CD86: variants seen among roughly 807,000 people sequenced by gnomAD.
The protein encoded by CD86 is T-lymphocyte activation antigen CD86.
CD86 carries 11 observed loss-of-function variants against 32.1 expected under a neutral mutation model. The ratio of observed to expected loss-of-function variants is 0.34; its 90% confidence interval spans 0.22 to 0.57. CD86 has a LOEUF of 0.57. Among genes scored for constraint, CD86 ranks in the 20% least tolerant of loss-of-function variants. The pLI is 0.86. For missense variants in CD86, 359 were observed against 398.4 expected (o/e 0.90, Z 0.84); for synonymous variants, 137 against 135.3 (o/e 1.01, Z -0.09).
intron 5 of CD86, among the ~76,000 whole-genome samples, chr3:122,111,849 C>T (rs370931301): frequency 1.4e-4 from 21 of 152,256 alleles, no homozygotes; most frequent in Admixed American, 5.9e-4. Flanking sequence ...TCAGAGGAGA[C>T]GGTCCTCAAA....
At chr3:122,059,573 T>C (rs543517514) in intron 1 of CD86, among the ~76,000 whole-genome samples, 3 of 149,412 alleles carry the variant, frequency 2.0e-5, no homozygotes, top group African/African-American at 4.9e-5. Flanking sequence ...AGTGGGGAGA[T>C]GGATGCAAGA....
intron 1 of CD86, among the ~76,000 whole-genome samples, chr3:122,081,286 CTG>C (rs777339778): frequency 5.7e-4 from 87 of 152,248 alleles, no homozygotes; most frequent in Non-Finnish European, 1.2e-3. Flanking sequence ...TCCTTAAAAA[CTG>C]TTATTTGATT....
At chr3:122,060,609 G>A (rs759926662) in intron 1 of CD86, among the ~76,000 whole-genome samples, 27 of 151,702 alleles carry the variant, frequency 1.8e-4, no homozygotes, top group Non-Finnish European at 2.4e-4. Flanking sequence ...GCAACATAGC[G>A]AGACTCCCAT....
At chr3:122,109,589 C>T (rs1188522366) in intron 5 of CD86, among the ~76,000 whole-genome samples, 181 bp downstream of exon 5, 2 of 152,218 alleles carry the variant, frequency 1.3e-5, no homozygotes, top group Non-Finnish European at 2.9e-5. Context: ...GATAATGCTG[C>T]TCTTGGACTT....
Position 122,109,354 on chromosome 3 carries a change from C to G in CD86, c.793C>G (p.Leu265Val). Residue 265 changes from leucine (L) to valine (V), a missense_variant, in exon 5 of 7, where the codon CTA (leucine) becomes GTA (valine). Physicochemically the swap from Leu to Val is conservative, Grantham distance 32. Transcript: ENST00000330540. ...TATTATATGTGTGATGGTTTTCTGTCTAATTCTATGGAAATGGAAGAAGAA... is the reference window on the plus strand; with the variant it reads ...TATTATATGTGTGATGGTTTTCTGTGTAATTCTATGGAAATGGAAGAAGAA... ...TVIICVMVFC[L>V]ILWKWKKKKR... The G allele has an allele frequency of 6.2e-7, 1 of 1,614,096 alleles. No individual in the cohort carries two copies. The highest frequency in any genetic ancestry group is 8.5e-7 in the Non-Finnish European group (1 of 1,179,972).
intron 1 of CD86, among the ~76,000 whole-genome samples, chr3:122,061,568 C>G (rs1303428072): frequency 6.6e-6 from 1 of 151,908 alleles, no homozygotes; most frequent in Admixed American, 6.6e-5. Flanking sequence ...AGACATTTCC[C>G]CAAAGAAAAT....
At chr3:122,105,551 A>G (rs2073077303) in intron 3 of CD86, among the ~76,000 whole-genome samples, 1 of 152,222 alleles carries the variant, frequency 6.6e-6, no homozygotes. Context: ...TGAGAATGGC[A>G]AAGGCAAGAG....
At chr3:122,070,807 G>C (rs551622599) in intron 1 of CD86, among the ~76,000 whole-genome samples, 2 of 152,312 alleles carry the variant, frequency 1.3e-5, no homozygotes, top group African/African-American at 4.8e-5. Flanking sequence ...TTGATTCCAA[G>C]GGTGCAACAT....
chr3:122,083,380 C>T (rs1183787063), intron 1 of CD86, among the ~76,000 whole-genome samples: 1 of 152,134 alleles, frequency 6.6e-6, no homozygotes, highest in Non-Finnish European at 1.5e-5. Context: ...GCCACAGGGA[C>T]CTCCTCGTAC....
chr3:122,090,854 G>A (rs1051687903), intron 1 of CD86, among the ~76,000 whole-genome samples: 1 of 152,130 alleles, frequency 6.6e-6, no homozygotes, highest in Non-Finnish European at 1.5e-5. Context: ...CTCTCAAAGC[G>A]TGGTCCTTAG....
intron 2 of CD86, among the ~76,000 whole-genome samples, chr3:122,094,462 A>C (rs560891785): frequency 6.6e-6 from 1 of 152,352 alleles, no homozygotes; most frequent in African/African-American, 2.4e-5. Flanking sequence ...TAGAAAGCCC[A>C]TGACATCAGA....
At chr3:122,102,156 A>G (rs2073019908) in intron 2 of CD86, among the ~76,000 whole-genome samples, 1 of 152,044 alleles carries the variant, frequency 6.6e-6, no homozygotes, top group South Asian at 2.1e-4. Flanking sequence ...TCCCTCTTTC[A>G]AGAGAAACCA....
chr3:122,064,904 A>T (rs1027368764), intron 1 of CD86, among the ~76,000 whole-genome samples: 2 of 152,190 alleles, frequency 1.3e-5, no homozygotes, highest in African/African-American at 4.8e-5. Flanking sequence ...GTTTTATTTA[A>T]TGTTGGAAAG....
Position 122,106,178 on chromosome 3 carries a change from T to A in CD86, c.401-20T>A, listed in dbSNP as rs780328319. 2.2e-5 allele frequency: 34 copies of A among 1,546,496 alleles called. No individual in the cohort carries two copies. Among genetic ancestry groups the A allele is most frequent in the South Asian group, 3.7e-5 (3 of 80,354 alleles). On this transcript the variant is annotated intron_variant, in intron 3 of 6. Transcript: ENST00000330540. ...ATCTAAACTTAGATTGATTTTTTTT[T>A]ATCTCTCTTCTGCTTTCAGCTAACT...
At chr3:122,078,139 C>A in intron 1 of CD86, 2 of 737,378 alleles carry the variant, frequency 2.7e-6, no homozygotes, top group Non-Finnish European at 3.3e-6. Context: ...TAATGGCCGG[C>A]CAGAGAATGA....
chr3:122,107,859 C>G (rs186752935), intron 4 of CD86, among the ~76,000 whole-genome samples: 19 of 152,360 alleles, frequency 1.2e-4, no homozygotes, highest in African/African-American at 3.8e-4. Flanking sequence ...CTGACTTCTT[C>G]CTATTCAGAC....
chr3:122,108,010 T>C (rs994080696), intron 4 of CD86, among the ~76,000 whole-genome samples: 1 of 152,206 alleles, frequency 6.6e-6, no homozygotes, highest in African/African-American at 2.4e-5. Flanking sequence ...TGTAATTAGT[T>C]TGATTGGTGG....
chr3:122,068,584 TAAC>T (rs992117951), intron 1 of CD86, among the ~76,000 whole-genome samples: 25 of 152,254 alleles, frequency 1.6e-4, no homozygotes, highest in African/African-American at 4.8e-4. Context: ...ATTGAAAGGA[TAAC>T]AAGTTTTGGA....
intron 2 of CD86, among the ~76,000 whole-genome samples, chr3:122,100,170 A>G (rs537266178): frequency 6.6e-6 from 1 of 152,340 alleles, no homozygotes; most frequent in South Asian, 2.1e-4. Flanking sequence ...TCATTCATGA[A>G]GAAGTCACCC....
Sources: gnomAD v4.1 joint callset for allele counts (sites outside exome capture counted in the v4.1 genomes callset) on GRCh38, gnomAD v4.1.1 for gene constraint, MANE v1.5 for transcripts, NCBI Gene and HGNC (gene_info 2026-07-23, HGNC 2026-07-21) for gene names.